Variants in NTRK2 observed in about 807,000 individuals in gnomAD.
NTRK2 encodes the protein neurotrophic receptor tyrosine kinase 2.
A neutral mutation model predicts 94.5 loss-of-function variants in NTRK2; 13 were observed. The ratio of observed to expected loss-of-function variants is 0.14; its 90% CI spans 0.09 to 0.22. NTRK2 has a LOEUF of 0.22. Ranked by LOEUF, NTRK2 falls within the 10% of genes least tolerant of loss-of-function variation. The pLI is 1.00. For synonymous variants in NTRK2, 372 were observed against 407.4 expected, an observed-to-expected ratio of 0.91 and a Z score of 1.05; for missense variants, 639 against 1,071.2, an observed-to-expected ratio of 0.60 and a Z score of 5.63.
chr9:84,799,525 T>A (rs1410336473), intron 12 of NTRK2, among the ~76,000 whole-genome samples: 1 of 152,206 alleles, frequency 6.6e-6, no homozygotes, highest in Non-Finnish European at 1.5e-5. Context: ...CTTTAGATAA[T>A]CATCTGTTAT....
intron 13 of NTRK2, among the ~76,000 whole-genome samples, chr9:84,864,736 CTTTTTTTTTT>C (rs71369154): frequency 0.047 from 4,938 of 104,684 alleles, 323 homozygotes; most frequent in African/African-American, 0.16. Flanking sequence ...TCTTAATTTT[CTTTTTTTTTT>C]TTTTTTTTTT....
chr9:84,859,286 G>C (rs1200709916), intron 12 of NTRK2, among the ~76,000 whole-genome samples: 1 of 152,178 alleles, frequency 6.6e-6, no homozygotes, highest in Admixed American at 6.5e-5. Flanking sequence ...GGGGAAATTG[G>C]AAATTGTGCG....
rs1024965188 is a variant in NTRK2 at position 84,812,946 on chromosome 9, G to A, written c.1397-48094G>A. On this transcript the variant is annotated intron_variant, in intron 12 of 18. Transcript: ENST00000277120. Reference sequence around the variant, plus strand: ...GAAAATTATTTCATATAGTTCTCGTGTTCTTTTCTTTTTTTTAATCCCTGA... The same window carrying A: ...GAAAATTATTTCATATAGTTCTCGTATTCTTTTCTTTTTTTTAATCCCTGA... The A allele has an allele frequency of 4.8e-6, 5 of 1,032,828 alleles. No homozygotes were observed. The East Asian group carries it at 1.8e-4, about 38-fold the overall frequency. The allele number at this position is 1,032,828 out of a possible 1,614,324, so 64.0% of individuals were successfully genotyped here. A position where few individuals can be genotyped will look rare whatever the true frequency, so the allele number is the denominator to read the frequency against.
At chr9:84,862,177 T>G (rs2075368888) in intron 13 of NTRK2, among the ~76,000 whole-genome samples, 1 of 152,174 alleles carries the variant, frequency 6.6e-6, no homozygotes, top group Non-Finnish European at 1.5e-5. Flanking sequence ...TTGGCAAAGT[T>G]AGAACATGAA....
At chr9:84,843,539 A>G (rs997759525) in intron 12 of NTRK2, among the ~76,000 whole-genome samples, 1 of 151,984 alleles carries the variant, frequency 6.6e-6, no homozygotes, top group African/African-American at 2.4e-5. Flanking sequence ...GGAAAGTTGC[A>G]TTTTCCCTGG....
chr9:84,800,631 A>G (rs1263549933), intron 12 of NTRK2, among the ~76,000 whole-genome samples: 1 of 152,254 alleles, frequency 6.6e-6, no homozygotes, highest in Non-Finnish European at 1.5e-5. Context: ...AATTGGAACT[A>G]AAGCCATGGA....
At chr9:84,836,934 G>GTATAA (rs56390905) in intron 12 of NTRK2, among the ~76,000 whole-genome samples, 25,339 of 133,970 alleles carry the variant, frequency 0.19, 2,606 homozygotes, top group East Asian at 0.26. Context: ...TTGTCGTAGA[G>GTATAA]TATAATATAA....
rs535694038 is a variant in NTRK2 at position 84,969,605 on chromosome 9, G to A, written c.2172+14088G>A. ...CATTAAATAATGAGATCTTTTGGCG[G>A]TCTAATAGCTATTAAAATTTCAAAG... On this transcript the variant is annotated intron_variant, in intron 17 of 18. Transcript: ENST00000277120. Among the ~76,000 whole-genome samples, 3 of 152,324 alleles carry A rather than the reference G, an allele frequency of 2.0e-5. No homozygotes were observed. In the South Asian group the frequency reaches 6.2e-4, roughly 32 times the overall value.
At chr9:84,701,452 G>A (rs1277319458) in intron 2 of NTRK2, among the ~76,000 whole-genome samples, 6 of 152,052 alleles carry the variant, frequency 3.9e-5, no homozygotes, top group African/African-American at 9.7e-5. Flanking sequence ...GAGATCATGT[G>A]CACATCTCTA....
intron 15 of NTRK2, among the ~76,000 whole-genome samples, chr9:84,940,450 G>T (rs2078369021): frequency 6.6e-6 from 1 of 152,132 alleles, no homozygotes; most frequent in Non-Finnish European, 1.5e-5. Flanking sequence ...ATATTTGCCT[G>T]CAGCTTTCAT....
chr9:84,772,120 A>G (rs975719063), intron 12 of NTRK2, among the ~76,000 whole-genome samples: 1 of 152,200 alleles, frequency 6.6e-6, no homozygotes, highest in African/African-American at 2.4e-5. Context: ...AGAATGGTCT[A>G]AAGGTTAATA....
intron 12 of NTRK2, among the ~76,000 whole-genome samples, chr9:84,837,811 T>C (rs75792038): frequency 0.011 from 1,732 of 152,332 alleles, 18 homozygotes; most frequent in Non-Finnish European, 0.019. Flanking sequence ...GAATGCTTCC[T>C]TTATATGCTA....
intron 14 of NTRK2, among the ~76,000 whole-genome samples, chr9:84,901,016 A>G (rs966484831): frequency 2.0e-5 from 3 of 152,210 alleles, no homozygotes; most frequent in South Asian, 4.1e-4. Flanking sequence ...AAAACTACGA[A>G]GTAGAACATT....
At chr9:84,973,787 C>A (rs1350197509) in intron 17 of NTRK2, among the ~76,000 whole-genome samples, 1 of 152,146 alleles carries the variant, frequency 6.6e-6, no homozygotes, top group East Asian at 1.9e-4. Context: ...AAAGTCTAAT[C>A]TCAAGACTCA....
rs570489528 is a variant in NTRK2 at position 85,025,909 on chromosome 9, GA to G, written c.*4473del. The G allele has an allele frequency of 2.2e-5, 5 of 232,540 alleles. No individual in the cohort carries two copies. Among genetic ancestry groups the G allele is most frequent in the African/African-American group, 1.1e-4 (5 of 45,406 alleles). 14.4% of individuals were successfully genotyped at this position (232,540 alleles called of 1,614,324 possible). A position where few individuals can be genotyped will look rare whatever the true frequency, so the allele number is the denominator to read the frequency against. ...AATTTCAAATGTCATTCTAAAGAATGAGGGGTGGGAGGGATTTATAGTTAGA... is the reference window on the plus strand; with the variant it reads ...AATTTCAAATGTCATTCTAAAGAATGGGGGTGGGAGGGATTTATAGTTAGA... On this transcript the variant is annotated 3_prime_UTR_variant, in exon 19 of 19. Coordinates refer to ENST00000277120, the MANE Select transcript of NTRK2 (RefSeq NM_006180.6).
rs1263346559 is a variant in NTRK2 at position 84,891,389 on chromosome 9, C to T, written c.1633+23958C>T. On this transcript the variant is annotated intron_variant, in intron 14 of 18. Transcript: ENST00000277120. ...CAGGAAGACACGGTGCATTGGAGGC[C>T]ATCAAAGCAATAGTGCACTACAACA... Among the ~76,000 whole-genome samples, 17 of 151,768 alleles carry T rather than the reference C, an allele frequency of 1.1e-4. 1 individual carries two copies.
At chr9:84,792,031 C>T (rs975547011) in intron 12 of NTRK2, among the ~76,000 whole-genome samples, 2 of 152,180 alleles carry the variant, frequency 1.3e-5, no homozygotes, top group Non-Finnish European at 2.9e-5. Context: ...CAGTTTTCAT[C>T]ATGGAATGTG....
At chr9:84,826,891 T>A (rs1188540340) in intron 12 of NTRK2, among the ~76,000 whole-genome samples, 1 of 151,564 alleles carries the variant, frequency 6.6e-6, no homozygotes, top group East Asian at 1.9e-4. Context: ...TTTGAAGGAG[T>A]TTTGTGTTTG....
At chr9:84,708,032 A>G (rs1031662638) in intron 5 of NTRK2, 120 bp downstream of exon 5, 6 of 800,618 alleles carry the variant, frequency 7.5e-6, no homozygotes, top group Admixed American at 1.9e-5. Flanking sequence ...TCAAAAAATG[A>G]TTTCTCAAGT....
Sources: gnomAD v4.1 joint callset for allele counts (sites outside exome capture counted in the v4.1 genomes callset) on GRCh38, gnomAD v4.1.1 for gene constraint, MANE v1.5 for transcripts, NCBI Gene and HGNC (gene_info 2026-07-23, HGNC 2026-07-21) for gene names.